Variants in TRAPPC9 observed in about 807,000 individuals in gnomAD.
TRAPPC9 encodes the protein trafficking protein particle complex subunit 9, also known as IKK2 binding protein.
A neutral mutation model predicts 124.0 loss-of-function variants in TRAPPC9; 83 were observed. That is an observed-to-expected ratio of 0.67 (90% CI 0.56 to 0.80). The LOEUF (loss-of-function observed/expected upper bound fraction) is 0.80. TRAPPC9 is among the 30% of genes least tolerant of loss of function. The probability of loss-of-function intolerance (pLI) is 0.00; values close to 1 mark genes in which losing one functional copy is unlikely to be tolerated. For missense variants in TRAPPC9, 1,302 were observed against 1,508.3 expected (o/e 0.86, Z 2.27); for synonymous variants, 638 against 617.5 (o/e 1.03, Z -0.49).
At chr8:140,357,949 T>G (rs113770314) in intron 9 of TRAPPC9, among the ~76,000 whole-genome samples, 16 of 152,214 alleles carry the variant, frequency 1.1e-4, no homozygotes, top group African/African-American at 3.1e-4. Flanking sequence ...AGAGATTCAC[T>G]TGGGTCACCA....
chr8:140,309,051 G>A (rs971630491), intron 10 of TRAPPC9, among the ~76,000 whole-genome samples: 3 of 152,088 alleles, frequency 2.0e-5, no homozygotes. Flanking sequence ...GCGCACAGAA[G>A]GTTCGGAAAA....
chr8:139,806,384 T>C (rs533103444), intron 21 of TRAPPC9, among the ~76,000 whole-genome samples: 41 of 152,250 alleles, frequency 2.7e-4, no homozygotes, highest in Non-Finnish European at 5.4e-4. Context: ...CTGTCCCCTC[T>C]GTCACTGTCC....
At chr8:139,819,842 T>C (rs886821222) in intron 21 of TRAPPC9, among the ~76,000 whole-genome samples, 1 of 151,382 alleles carries the variant, frequency 6.6e-6, no homozygotes, top group Admixed American at 6.6e-5. Context: ...TGAAACCCCA[T>C]CTCTACTAAA....
At chr8:140,068,131 C>T (rs1005706018) in intron 17 of TRAPPC9, among the ~76,000 whole-genome samples, 17 of 152,104 alleles carry the variant, frequency 1.1e-4, no homozygotes, top group African/African-American at 4.1e-4. Flanking sequence ...TCCTTACAAG[C>T]AAGGATTATG....
chr8:140,423,011 T>G (rs965556424), intron 5 of TRAPPC9, among the ~76,000 whole-genome samples: 1 of 152,152 alleles, frequency 6.6e-6, no homozygotes, highest in Non-Finnish European at 1.5e-5. Context: ...AAATTAGAAC[T>G]TGCATTCATT....
chr8:139,778,958 T>C (rs1176892056), intron 21 of TRAPPC9, among the ~76,000 whole-genome samples: 5 of 152,144 alleles, frequency 3.3e-5, no homozygotes, highest in Admixed American at 1.3e-4. Flanking sequence ...TAATGTAAAC[T>C]ACACCAAGGC....
rs116180963 is a variant in TRAPPC9 at position 140,449,204 on chromosome 8, T to G, written c.584+1586A>C. On this transcript the variant is annotated intron_variant, in intron 2 of 22. Coordinates refer to ENST00000438773, the MANE Select transcript of TRAPPC9 (RefSeq NM_001160372.4). ...ACGACACCGTGTGACCTTAGATAAA[T>G]TTCAGAAACATACTGAGCACCTACT... 8.4e-3 allele frequency among the ~76,000 whole-genome samples: 1,274 copies of G among 152,290 alleles called. 24 individuals are homozygous for G. The highest frequency in any genetic ancestry group is 0.029 in the African/African-American group (1,200 of 41,568).
chr8:140,322,813 G>A (rs1183062158), intron 9 of TRAPPC9, among the ~76,000 whole-genome samples: 1 of 152,118 alleles, frequency 6.6e-6, no homozygotes, highest in Non-Finnish European at 1.5e-5. Flanking sequence ...ACTCCAGCCT[G>A]GGAAACAGAG....
At position 140,271,102 on chromosome 8, in the gene TRAPPC9, A is replaced by G. The variant is rs531292008; in HGVS notation, c.2278+4556T>C. On this transcript the variant is annotated intron_variant, in intron 15 of 22. Transcript: ENST00000438773. ...GATGTGAGAAAAGTTTGCCACGTAG[A>G]CTGTAATTTTCTGTAATTCAATATT... Among the ~76,000 whole-genome samples, 20 of 152,212 alleles carry G rather than the reference A, an allele frequency of 1.3e-4. 1 individual carries two copies. The South Asian group carries it at 2.3e-3, about 17-fold the overall frequency.
intron 17 of TRAPPC9, among the ~76,000 whole-genome samples, chr8:140,033,669 T>TGTTTTTTTG (rs1563706662): frequency 5.5e-5 from 4 of 73,276 alleles, no homozygotes; most frequent in Admixed American, 1.3e-4. Context: ...TTTTTTTTTT[T>TGTTTTTTTG]TTTTTTTTTT....
In TRAPPC9 at chr8:139,974,784, C is replaced by A. The variant is rs571590385; in HGVS notation, c.2810+13942G>T. 2.0e-5 allele frequency among the ~76,000 whole-genome samples: 3 copies of A among 152,208 alleles called. No individual in the cohort carries two copies. In the South Asian group the frequency reaches 6.2e-4, roughly 32 times the overall value. On this transcript the variant is annotated intron_variant, in intron 19 of 22. Coordinates refer to ENST00000438773, the MANE Select transcript of TRAPPC9 (RefSeq NM_001160372.4). ...ATTTTACAGACGTGGACGCGAGGCTCACAGAAGACCAGCTCATGTGGAGGC... is the reference window on the plus strand; with the variant it reads ...ATTTTACAGACGTGGACGCGAGGCTAACAGAAGACCAGCTCATGTGGAGGC...
intron 17 of TRAPPC9, among the ~76,000 whole-genome samples, chr8:140,047,369 G>A (rs762397830): frequency 2.6e-5 from 4 of 152,248 alleles, no homozygotes; most frequent in Admixed American, 6.5e-5. Context: ...GTTGCGCTAA[G>A]AGCCCGAATG....
intron 5 of TRAPPC9, among the ~76,000 whole-genome samples, chr8:140,407,953 GA>G (rs1298505673): frequency 6.6e-6 from 1 of 152,160 alleles, no homozygotes; most frequent in Non-Finnish European, 1.5e-5. Flanking sequence ...AAGGCTAGAG[GA>G]AAAATTTCTA....
intron 19 of TRAPPC9, among the ~76,000 whole-genome samples, chr8:139,961,935 C>T (rs963759391): frequency 2.4e-5 from 3 of 123,908 alleles, no homozygotes; most frequent in Non-Finnish European, 3.9e-5. Flanking sequence ...AGACAAATAA[C>T]CCCTCTGCTG....
chr8:140,456,478 A>G (rs898980861), intron 1 of TRAPPC9, among the ~76,000 whole-genome samples: 4 of 152,104 alleles, frequency 2.6e-5, no homozygotes, highest in Non-Finnish European at 4.4e-5. Flanking sequence ...ATGGCAGGTA[A>G]TCGAGGCTCA....
intron 15 of TRAPPC9, among the ~76,000 whole-genome samples, chr8:140,273,102 C>T (rs962369223): frequency 3.3e-5 from 5 of 152,190 alleles, no homozygotes; most frequent in African/African-American, 7.2e-5. Flanking sequence ...ACAGTGCCCT[C>T]CCCAGAGGTC....
chr8:140,034,115 G>T (rs1840728989), intron 17 of TRAPPC9, among the ~76,000 whole-genome samples: 1 of 152,080 alleles, frequency 6.6e-6, no homozygotes, highest in South Asian at 2.1e-4. Flanking sequence ...TATTTTGCAA[G>T]AATTAATTTT....
intron 15 of TRAPPC9, among the ~76,000 whole-genome samples, chr8:140,259,325 A>C (rs1010582073): frequency 9.2e-5 from 14 of 152,112 alleles, no homozygotes; most frequent in Non-Finnish European, 2.9e-5. Flanking sequence ...ACACGCCTCT[A>C]GTGGAACACC....
intron 21 of TRAPPC9, among the ~76,000 whole-genome samples, chr8:139,787,971 T>C (rs906423248): frequency 1.3e-5 from 2 of 152,092 alleles, no homozygotes; most frequent in Admixed American, 1.3e-4. Flanking sequence ...TTGTGGGAAG[T>C]GAGACTAGGA....
Sources: gnomAD v4.1 joint callset for allele counts (sites outside exome capture counted in the v4.1 genomes callset) on GRCh38, gnomAD v4.1.1 for gene constraint, MANE v1.5 for transcripts, NCBI Gene and HGNC (gene_info 2026-07-23, HGNC 2026-07-21) for gene names.